SLC9C1: variants seen among roughly 807,000 people sequenced by gnomAD.
SLC9C1 encodes the protein solute carrier family 9 member C1, also known as sodium/hydrogen exchanger 10.
Under a neutral mutation model 140.9 loss-of-function variants are expected in SLC9C1, and 97 were observed. That is an observed-to-expected ratio of 0.69 (90% confidence interval 0.58 to 0.82). The LOEUF (loss-of-function observed/expected upper bound fraction) is 0.82. SLC9C1 is among the 40% of genes least tolerant of loss of function. The pLI is 0.00. For synonymous variants in SLC9C1, 440 were observed against 442.6 expected, an observed-to-expected ratio of 0.99 and a Z score of 0.07; for missense variants, 1,340 against 1,389.3, an observed-to-expected ratio of 0.96 and a Z score of 0.56.
At chr3:112,141,345 A>G in intron 28 of SLC9C1, 64 bp from the exon 29 acceptor site, 2 of 1,524,178 alleles carry the variant, frequency 1.3e-6, no homozygotes, top group Non-Finnish European at 1.8e-6. Context: ...ATATTGACTT[A>G]CAACCCAGAA....
At chr3:112,278,973 C>A in intron 3 of SLC9C1, 116 bp from the exon 4 acceptor site, 1 of 1,005,948 alleles carries the variant, frequency 9.9e-7, no homozygotes, top group Non-Finnish European at 1.4e-6. Flanking sequence ...AGATATATCA[C>A]ACAAAGGAGT....
chr3:112,286,284 G>A (rs187741657), intron 2 of SLC9C1, among the ~76,000 whole-genome samples: 8 of 152,064 alleles, frequency 5.3e-5, no homozygotes, highest in African/African-American at 1.9e-4. Flanking sequence ...CCCTAATCAG[G>A]TCAAAGATAG....
chr3:112,258,550 C>T (rs759295423), intron 10 of SLC9C1, among the ~76,000 whole-genome samples: 2 of 152,084 alleles, frequency 1.3e-5, no homozygotes, highest in African/African-American at 2.4e-5. Flanking sequence ...TCTCATGTCT[C>T]GGTCTCCTGA....
intron 26 of SLC9C1, among the ~76,000 whole-genome samples, chr3:112,160,565 C>T (rs2075267937): frequency 6.6e-6 from 1 of 151,752 alleles, no homozygotes; most frequent in Admixed American, 6.6e-5. Context: ...TGATGATTTC[C>T]AATTTCATCC....
intron 20 of SLC9C1, chr3:112,185,936 CAGCAGT>C (rs1291194580): frequency 6.4e-7 from 1 of 1,565,094 alleles, no homozygotes; most frequent in African/African-American, 1.3e-5. Flanking sequence ...AGCCAGGCGG[CAGCAGT>C]AGCTTGGGGT....
At chr3:112,259,763 GA>G (rs1239280456) in intron 10 of SLC9C1, among the ~76,000 whole-genome samples, 2 of 152,032 alleles carry the variant, frequency 1.3e-5, no homozygotes, top group African/African-American at 4.8e-5. Context: ...ATGTATCCCT[GA>G]ACCTAAAATA....
chr3:112,284,410 A>C (rs372245492), intron 2 of SLC9C1, among the ~76,000 whole-genome samples: 12 of 152,314 alleles, frequency 7.9e-5, no homozygotes, highest in Admixed American at 3.3e-4. Context: ...ACTGAAAGAG[A>C]ATATATTATT....
intron 16 of SLC9C1, among the ~76,000 whole-genome samples, chr3:112,204,668 A>T (rs1028711547): frequency 6.6e-6 from 1 of 152,116 alleles, no homozygotes; most frequent in Non-Finnish European, 1.5e-5. Context: ...ACCAGTAAAA[A>T]GTAGCGACAA....
At chr3:112,193,801 A>T (rs377451283) in intron 20 of SLC9C1, among the ~76,000 whole-genome samples, 2 of 151,980 alleles carry the variant, frequency 1.3e-5, no homozygotes, top group African/African-American at 4.8e-5. Flanking sequence ...GGCCATTTCA[A>T]CAGAGGTTTT....
intron 26 of SLC9C1, among the ~76,000 whole-genome samples, chr3:112,157,520 A>G (rs1038632032): frequency 8.6e-5 from 13 of 151,896 alleles, no homozygotes; most frequent in African/African-American, 1.7e-4. Context: ...GTGGTTCCCT[A>G]TGGATTTTAG....
chr3:112,259,119 A>G (rs897542622), intron 10 of SLC9C1, among the ~76,000 whole-genome samples: 2 of 152,178 alleles, frequency 1.3e-5, no homozygotes, highest in African/African-American at 2.4e-5. Flanking sequence ...ATGCAGCCAC[A>G]TAAAAGAATG....
chr3:112,169,366 T>C (rs1401008143), intron 23 of SLC9C1, 38 bp from the exon 24 acceptor site: 8 of 1,584,418 alleles, frequency 5.0e-6, no homozygotes, highest in Non-Finnish European at 6.8e-6. Flanking sequence ...TTTTATTTTG[T>C]GCACTATGGT....
intron 28 of SLC9C1, among the ~76,000 whole-genome samples, chr3:112,150,805 TATATAAATACATATACA>T (rs2074941281): frequency 1.4e-4 from 7 of 48,802 alleles, no homozygotes; most frequent in South Asian, 1.1e-3. Context: ...TATATATATA[TATATAAATACATATACA>T]TATATATATA....
chr3:112,253,220 CT>C (rs2079512677), intron 10 of SLC9C1, among the ~76,000 whole-genome samples: 1 of 152,154 alleles, frequency 6.6e-6, no homozygotes. Context: ...GGCAAAAGAC[CT>C]TCATCCACAA....
At chr3:112,202,220 CTCTTT>C (rs961156731) in intron 18 of SLC9C1, 25 bp downstream of exon 18, 2 of 1,606,304 alleles carry the variant, frequency 1.2e-6, no homozygotes, top group African/African-American at 2.7e-5. Context: ...GCTGAGTGAA[CTCTTT>C]TCTTAGGATT....
chr3:112,250,216 T>A (rs1357260131), intron 10 of SLC9C1, among the ~76,000 whole-genome samples: 1 of 152,080 alleles, frequency 6.6e-6, no homozygotes, highest in Admixed American at 6.6e-5. Flanking sequence ...TCCAGCTTCA[T>A]CCATGTCCCT....
chr3:112,199,471 T>TA lies in SLC9C1; in HGVS notation c.2375-3dup. On this transcript the variant is annotated splice_polypyrimidine_tract_variant and splice_region_variant and intron_variant, in intron 19 of 28. Coordinates refer to ENST00000305815, the MANE Select transcript of SLC9C1 (RefSeq NM_183061.3). ...CTGGGTGATCATACTCTAAGTAGCC[T>TA]AAAAAATAACAAAATATTTTTAGAT... is the stretch of plus-strand genomic sequence containing the variant. 1.9e-6 allele frequency: 3 copies of TA among 1,552,116 alleles called. No homozygotes were observed. The highest frequency in any genetic ancestry group is 2.6e-6 in the Non-Finnish European group (3 of 1,157,220).
In SLC9C1 at chr3:112,143,420, G is replaced by A. The variant is rs542927581; in HGVS notation, c.3525-2139C>T. Among the ~76,000 whole-genome samples, 5 of 152,096 alleles carry A rather than the reference G, an allele frequency of 3.3e-5. No homozygotes were observed. The South Asian group carries it at 1.0e-3, about 32-fold the overall frequency. On this transcript the variant is annotated intron_variant, in intron 28 of 28. Transcript: ENST00000305815. ...CATATCTGTTGTTTTTGTCTTTTTA[G>A]TAAGAGTCATTCTGAATGGTGTGAG... is the stretch of plus-strand genomic sequence containing the variant.
At position 112,281,703 on chromosome 3, in the gene SLC9C1, T is replaced by G. The variant is rs972850060; in HGVS notation, c.89-920A>C. ...ATCAAGACGTTGAAGATTTATATCA[T>G]AAGGATCTAGTCTGAAGCATTAAGA... is the stretch of plus-strand genomic sequence containing the variant. On this transcript the variant is annotated intron_variant, in intron 2 of 28. Transcript: ENST00000305815. 5.3e-5 allele frequency among the ~76,000 whole-genome samples: 8 copies of G among 152,334 alleles called. 1 individual carries two copies. Among genetic ancestry groups the G allele is most frequent in the South Asian group, 4.1e-4 (2 of 4,828 alleles).
Sources: allele counts gnomAD v4.1 joint callset (sites outside exome capture counted in the v4.1 genomes callset), GRCh38; gene constraint gnomAD v4.1.1; transcripts MANE v1.5; gene names NCBI Gene and HGNC (gene_info 2026-07-23, HGNC 2026-07-21).